The following RERE variants were observed in gnomAD, a reference collection of about 807,000 sequenced individuals.
RERE encodes the protein arginine-glutamic acid dipeptide repeats.
A neutral mutation model predicts 146.1 loss-of-function variants in RERE; 40 were observed. The observed-to-expected ratio is 0.27, with a 90% CI of 0.21 to 0.36. The LOEUF is 0.36. RERE is among the 10% of genes least tolerant of loss of function. The probability of loss-of-function intolerance (pLI) is 1.00; values close to 1 mark genes in which losing one functional copy is unlikely to be tolerated. For missense variants in RERE, 1,933 were observed against 2,138.7 expected (o/e 0.90, Z 1.90); for synonymous variants, 1,003 against 866.0 (o/e 1.16, Z -2.78).
At chr1:8,440,691 G>C (rs1343857522) in intron 11 of RERE, among the ~76,000 whole-genome samples, 44 of 146,188 alleles carry the variant, frequency 3.0e-4, no homozygotes, top group African/African-American at 1.0e-3. Context: ...TTTGAGACTA[G>C]CCTGGCCAAC....
chr1:8,680,811 C>T (rs575117579), intron 1 of RERE, among the ~76,000 whole-genome samples: 1 of 152,312 alleles, frequency 6.6e-6, no homozygotes, highest in Admixed American at 6.5e-5. Flanking sequence ...TCACAGTTCA[C>T]ATTCAGCTCA....
chr1:8,610,016 G>GC (rs1289916399), intron 4 of RERE, among the ~76,000 whole-genome samples: 1 of 151,982 alleles, frequency 6.6e-6, no homozygotes, highest in Non-Finnish European at 1.5e-5. Flanking sequence ...TGACCGAACC[G>GC]CCCCAGCCTC....
chr1:8,535,751 C>G (rs1458835213), intron 7 of RERE, among the ~76,000 whole-genome samples: 1 of 151,570 alleles, frequency 6.6e-6, no homozygotes, highest in East Asian at 1.9e-4. Flanking sequence ...AACTACACTT[C>G]TAGGAAGAGG....
At chr1:8,604,554 G>C (rs1646674203) in intron 4 of RERE, among the ~76,000 whole-genome samples, 1 of 134,966 alleles carries the variant, frequency 7.4e-6, no homozygotes, top group Non-Finnish European at 1.6e-5. Context: ...CCAGTCAATA[G>C]CAAGCTGAGG....
chr1:8,394,830 CCA>C (rs758977625), intron 12 of RERE, among the ~76,000 whole-genome samples: 1 of 152,112 alleles, frequency 6.6e-6, no homozygotes. Flanking sequence ...GAAGCACTTA[CCA>C]CAGTTACACT....
chr1:8,374,152 G>A (rs756427545), intron 12 of RERE, among the ~76,000 whole-genome samples: 4 of 152,160 alleles, frequency 2.6e-5, no homozygotes, highest in Non-Finnish European at 4.4e-5. Context: ...CCACCCACGA[G>A]GAAGCCCACA....
At chr1:8,669,077 T>TGTGTGTGTGTG (rs1220047868) in intron 1 of RERE, among the ~76,000 whole-genome samples, 3 of 134,072 alleles carry the variant, frequency 2.2e-5, no homozygotes, top group East Asian at 2.2e-4. Flanking sequence ...TGTGTGTGTG[T>TGTGTGTGTGTG]TGTGTTTTTA....
intron 12 of RERE, among the ~76,000 whole-genome samples, chr1:8,371,688 G>GTT (rs1274339711): frequency 6.6e-6 from 1 of 152,172 alleles, no homozygotes; most frequent in Non-Finnish European, 1.5e-5. Flanking sequence ...CAGACACAAC[G>GTT]TAAGACATCA....
At chr1:8,430,850 C>T (rs1321954935) in intron 11 of RERE, among the ~76,000 whole-genome samples, 1 of 152,178 alleles carries the variant, frequency 6.6e-6, no homozygotes, top group Non-Finnish European at 1.5e-5. Context: ...GGCCCATCCA[C>T]ATCTAATCAT....
rs555481687 is a variant in RERE at position 8,500,128 on chromosome 1, T to C, written c.880-2599A>G. 2.2e-4 allele frequency among the ~76,000 whole-genome samples: 34 copies of C among 152,202 alleles called. 1 individual carries two copies. In the South Asian group the frequency reaches 6.2e-3, roughly 28 times the overall value. On this transcript the variant is annotated intron_variant, in intron 8 of 22. Transcript: ENST00000400908. ...AGAGCAAGACTCTGTCTCAAAATAA[T>C]AACAACAATAATAATAACAACAACA...
intron 12 of RERE, among the ~76,000 whole-genome samples, chr1:8,402,177 A>C (rs1643285505): frequency 6.6e-6 from 1 of 152,160 alleles, no homozygotes; most frequent in African/African-American, 2.4e-5. Flanking sequence ...AACGCTGTGT[A>C]ACTTCTAAGG....
Position 8,433,722 on chromosome 1 carries a change from G to C in RERE, c.1204-10915C>G, listed in dbSNP as rs550688146. Among the ~76,000 whole-genome samples, 817 of 151,568 alleles carry C rather than the reference G, an allele frequency of 5.4e-3. 5 individuals carry two copies. Among genetic ancestry groups the C allele is most frequent in the African/African-American group, 0.019 (795 of 41,312 alleles). ...ACTACAGGCGCCCGCCACCGCGCCC[G>C]GCTAATTTTTTGTATTTTTAGTAGA... On this transcript the variant is annotated intron_variant, in intron 11 of 22. Transcript: ENST00000400908.
At chr1:8,493,372 G>A (rs1471011570) in intron 10 of RERE, among the ~76,000 whole-genome samples, 1 of 152,076 alleles carries the variant, frequency 6.6e-6, no homozygotes, top group Non-Finnish European at 1.5e-5. Context: ...CAGTGACAAT[G>A]TACACAAACA....
At chr1:8,810,345 C>T (rs1641782733) in intron 1 of RERE, among the ~76,000 whole-genome samples, 1 of 152,130 alleles carries the variant, frequency 6.6e-6, no homozygotes, top group African/African-American at 2.4e-5. Flanking sequence ...GTGGCTCATG[C>T]CTGTAATCCC....
At chr1:8,494,410 T>C (rs1454692822) in intron 10 of RERE, among the ~76,000 whole-genome samples, 1 of 152,170 alleles carries the variant, frequency 6.6e-6, no homozygotes, top group Non-Finnish European at 1.5e-5. Flanking sequence ...ACTTATTTCC[T>C]TATGTCTAAA....
chr1:8,424,585 G>A (rs754492466), intron 11 of RERE: 1 of 152,182 alleles, frequency 6.6e-6, no homozygotes, highest in Non-Finnish European at 1.5e-5. Flanking sequence ...CAAAAGTATC[G>A]TTTATATGAT....
At chr1:8,769,765 C>T (rs975012738) in intron 1 of RERE, among the ~76,000 whole-genome samples, 2 of 152,000 alleles carry the variant, frequency 1.3e-5, no homozygotes, top group African/African-American at 4.8e-5. Flanking sequence ...ACATGAGTCA[C>T]CACACCCAGG....
chr1:8,767,941 G>A lies in RERE; in HGVS notation c.-145+49219C>T, dbSNP rs149482349. On this transcript the variant is annotated intron_variant, in intron 1 of 22. Transcript: ENST00000400908. ...AGATCACACCACTGTACTCCAGCCT[G>A]GGTGACAGAGCGAAACTTTGTCTCC... is the stretch of plus-strand genomic sequence containing the variant. 7.6e-3 allele frequency among the ~76,000 whole-genome samples: 1,156 copies of A among 152,174 alleles called. 10 individuals are homozygous for A. The highest frequency in any genetic ancestry group is 0.012 in the Non-Finnish European group (785 of 68,008).
At chr1:8,523,241 G>A (rs573382747) in intron 7 of RERE, among the ~76,000 whole-genome samples, 32 of 152,254 alleles carry the variant, frequency 2.1e-4, no homozygotes, top group African/African-American at 7.5e-4. Context: ...ACACAATCAA[G>A]TTCATTCTAG....
Sources: allele counts gnomAD v4.1 joint callset (sites outside exome capture counted in the v4.1 genomes callset), GRCh38; gene constraint gnomAD v4.1.1; transcripts MANE v1.5; gene names NCBI Gene and HGNC (gene_info 2026-07-23, HGNC 2026-07-21).